The following PRIM2 variants were observed in gnomAD, a reference collection of about 807,000 sequenced individuals.
PRIM2 encodes the protein DNA primase subunit 2, also known as DNA primase large subunit.
Under a neutral mutation model 67.3 loss-of-function variants are expected in PRIM2, and 39 were observed. The ratio of observed to expected loss-of-function variants is 0.58; its 90% CI spans 0.45 to 0.76. The LOEUF (loss-of-function observed/expected upper bound fraction) is 0.76. Among genes scored for constraint, PRIM2 ranks in the 30% least tolerant of loss-of-function variants. PRIM2 has a pLI of 0.00. For synonymous variants in PRIM2, 143 were observed against 198.7 expected, an observed-to-expected ratio of 0.72 and a Z score of 2.36; for missense variants, 398 against 598.7, an observed-to-expected ratio of 0.66 and a Z score of 3.50.
the PRIM2 span, among the ~76,000 whole-genome samples, chr6:57,277,847 G>A: frequency 4.0e-5 from 6 of 151,898 alleles, no homozygotes; most frequent in East Asian, 1.2e-3. Context: ...AGCCAGGTGT[G>A]GTGGCGGGCA....
chr6:57,433,032 C>T lies in PRIM2; in HGVS notation c.693+50864C>T, dbSNP rs927747361. On this transcript the variant is annotated intron_variant, in intron 7 of 13. Transcript: ENST00000615550. ...TAAAGCCATTCAAGCCAAATATAGC[C>T]AGCTGCTTATTTTGTAAATAAAATT... 1.4e-4 allele frequency among the ~76,000 whole-genome samples: 21 copies of T among 152,206 alleles called. No individual in the cohort carries two copies. In the East Asian group the frequency reaches 2.5e-3, roughly 18 times the overall value.
At chr6:57,424,860 T>C (rs1319331619) in intron 7 of PRIM2, among the ~76,000 whole-genome samples, 1 of 152,212 alleles carries the variant, frequency 6.6e-6, no homozygotes, top group Non-Finnish European at 1.5e-5. Flanking sequence ...ACAACTAAAA[T>C]ATATTATTAA....
At chr6:57,601,901 T>A (rs2127491682) in intron 11 of PRIM2, among the ~76,000 whole-genome samples, 1 of 152,252 alleles carries the variant, frequency 6.6e-6, no homozygotes, top group East Asian at 1.9e-4. Flanking sequence ...ACTTTTGGAC[T>A]GCTAAAGATC....
intron 7 of PRIM2, among the ~76,000 whole-genome samples, chr6:57,445,412 T>G (rs73750280): frequency 6.6e-6 from 1 of 152,196 alleles, no homozygotes; most frequent in African/African-American, 2.4e-5. Context: ...CCTTTGGCAG[T>G]AACATAGCAC....
chr6:57,644,675 C>A (rs1342358258), intron 13 of PRIM2, among the ~76,000 whole-genome samples: 1 of 152,084 alleles, frequency 6.6e-6, no homozygotes, highest in Non-Finnish European at 1.5e-5. Flanking sequence ...CACTTCAGTA[C>A]GAAGAGTGAG....
chr6:57,372,604 T>C (rs1295364678), intron 5 of PRIM2, among the ~76,000 whole-genome samples: 4 of 152,168 alleles, frequency 2.6e-5, no homozygotes, highest in African/African-American at 9.7e-5. Context: ...CTCCCTCCTC[T>C]CACCTCCCAC....
At chr6:57,363,961 G>A (rs1769274002) in intron 5 of PRIM2, among the ~76,000 whole-genome samples, 1 of 151,480 alleles carries the variant, frequency 6.6e-6, no homozygotes, top group Non-Finnish European at 1.5e-5. Flanking sequence ...TTCTTTCTCT[G>A]CTGAGTTACA....
intron 13 of PRIM2, among the ~76,000 whole-genome samples, chr6:57,641,209 C>G (rs1343627447): frequency 6.6e-6 from 1 of 151,996 alleles, no homozygotes; most frequent in Non-Finnish European, 1.5e-5. Context: ...AAACTGGACC[C>G]CTTCCTTACA....
At chr6:57,223,766 T>C in the PRIM2 span, among the ~76,000 whole-genome samples, 1 of 152,146 alleles carries the variant, frequency 6.6e-6, no homozygotes, top group Admixed American at 6.5e-5. Context: ...AACCATGAGA[T>C]ACAACTTCAC....
At chr6:57,546,916 T>G (rs1354094167) in intron 10 of PRIM2, among the ~76,000 whole-genome samples, 1 of 152,190 alleles carries the variant, frequency 6.6e-6, no homozygotes, top group Admixed American at 6.5e-5. Flanking sequence ...ATTGATATAT[T>G]TAAAATGTTA....
At chr6:57,342,392 A>G (rs1768523623) in intron 5 of PRIM2, among the ~76,000 whole-genome samples, 2 of 152,168 alleles carry the variant, frequency 1.3e-5, no homozygotes, top group Non-Finnish European at 2.9e-5. Context: ...GTCACATTAA[A>G]GGTGAATGGG....
chr6:57,509,340 G>A (rs1225185190), intron 8 of PRIM2, among the ~76,000 whole-genome samples: 3 of 147,932 alleles, frequency 2.0e-5, no homozygotes, highest in Non-Finnish European at 3.0e-5. Context: ...CTGTGTTTGC[G>A]AGTTAAGAAT....
chr6:57,606,514 G>C (rs1776565633), intron 12 of PRIM2, 57 bp downstream of exon 12: 3 of 1,379,194 alleles, frequency 2.2e-6, no homozygotes, highest in Non-Finnish European at 3.0e-6. Context: ...TAGATCTCTC[G>C]GTTTTATTTA....
chr6:57,321,408 TGTG>T (rs1202305138), intron 3 of PRIM2, among the ~76,000 whole-genome samples: 1 of 152,032 alleles, frequency 6.6e-6, no homozygotes, highest in African/African-American at 2.4e-5. Flanking sequence ...CAGGAAGACA[TGTG>T]GTGGGAGTAG....
chr6:57,241,381 C>T, the PRIM2 span, among the ~76,000 whole-genome samples: 4 of 151,806 alleles, frequency 2.6e-5, no homozygotes, highest in Non-Finnish European at 5.9e-5. Flanking sequence ...TGCACTCCAG[C>T]CTGGATGACA....
chr6:57,327,035 C>G (rs1015083249), intron 5 of PRIM2, among the ~76,000 whole-genome samples: 2 of 151,648 alleles, frequency 1.3e-5, no homozygotes, highest in African/African-American at 4.9e-5. Context: ...TCCTGAGTAG[C>G]TGTGACTACA....
the PRIM2 span, among the ~76,000 whole-genome samples, chr6:57,264,686 T>A: frequency 7.5e-6 from 1 of 132,610 alleles, no homozygotes; most frequent in Non-Finnish European, 1.6e-5. Flanking sequence ...AACCTCCCCC[T>A]CCTGAGTTCA....
chr6:57,608,124 T>C (rs1399368293), intron 12 of PRIM2, among the ~76,000 whole-genome samples: 1 of 152,040 alleles, frequency 6.6e-6, no homozygotes, highest in African/African-American at 2.4e-5. Context: ...GGCTAATCCT[T>C]CTCTTTGTCA....
At chr6:57,557,852 A>G (rs1441964313) in intron 10 of PRIM2, among the ~76,000 whole-genome samples, 1 of 151,986 alleles carries the variant, frequency 6.6e-6, no homozygotes, top group Non-Finnish European at 1.5e-5. Flanking sequence ...GTATTTTAAT[A>G]TAACTATTGA....
Sources: allele counts gnomAD v4.1 joint callset (sites outside exome capture counted in the v4.1 genomes callset), GRCh38; gene constraint gnomAD v4.1.1; transcripts MANE v1.5; gene names NCBI Gene and HGNC (gene_info 2026-07-23, HGNC 2026-07-21).